Variants in SEMA5A observed in about 807,000 individuals in gnomAD.
SEMA5A encodes semaphorin 5A.
A neutral mutation model predicts 135.5 loss-of-function variants in SEMA5A; 55 were observed. That is an observed-to-expected ratio of 0.41 (90% confidence interval 0.33 to 0.51). The LOEUF is 0.51. Ranked by LOEUF, SEMA5A falls within the 20% of genes least tolerant of loss-of-function variation. SEMA5A has a pLI of 0.37. For synonymous variants in SEMA5A, 580 were observed against 546.5 expected, an observed-to-expected ratio of 1.06 and a Z score of -0.85; for missense variants, 1,290 against 1,419.9, an observed-to-expected ratio of 0.91 and a Z score of 1.47.
intron 5 of SEMA5A, among the ~76,000 whole-genome samples, chr5:9,238,941 A>T (rs1029383821): frequency 2.0e-5 from 3 of 152,172 alleles, no homozygotes; most frequent in Admixed American, 2.0e-4. Context: ...AAAGCAACCT[A>T]GTGTCAAATC....
At chr5:9,117,261 C>T (rs1740566907) in intron 15 of SEMA5A, among the ~76,000 whole-genome samples, 1 of 152,192 alleles carries the variant, frequency 6.6e-6, no homozygotes, top group Non-Finnish European at 1.5e-5. Flanking sequence ...CTCTTCCTTC[C>T]TGTGTGATCA....
At chr5:9,211,464 C>T (rs1419667978) in intron 8 of SEMA5A, among the ~76,000 whole-genome samples, 1 of 152,122 alleles carries the variant, frequency 6.6e-6, no homozygotes, top group Non-Finnish European at 1.5e-5. Flanking sequence ...TCTTGTCAGT[C>T]GAGAGAGCAC....
At chr5:9,108,905 C>CA (rs1740073843) in intron 15 of SEMA5A, among the ~76,000 whole-genome samples, 1 of 151,594 alleles carries the variant, frequency 6.6e-6, no homozygotes, top group African/African-American at 2.4e-5. Context: ...TACAATTTTA[C>CA]AAATATTAGT....
At chr5:9,464,100 C>T (rs368324335) in intron 1 of SEMA5A, among the ~76,000 whole-genome samples, 19 of 152,156 alleles carry the variant, frequency 1.2e-4, no homozygotes, top group African/African-American at 4.6e-4. Context: ...TCTCTACCCA[C>T]AAGACACCAG....
rs372816448 is a variant in SEMA5A at position 9,154,481 on chromosome 5, G to A, written c.1481+7C>T. 6.2e-7 allele frequency: 1 copy of A among 1,611,646 alleles called. No individual in the cohort carries two copies. Among genetic ancestry groups the A allele is most frequent in the African/African-American group, 1.3e-5 (1 of 74,824 alleles). ...ACCAGTGCATCCTGACCCCGGAGAT[G>A]CCCTACCTGCGTGTGCGGTAGAACT... On this transcript the variant is annotated splice_region_variant and intron_variant, in intron 12 of 22. Transcript: ENST00000382496.
chr5:9,252,871 G>T (rs1748873759), intron 5 of SEMA5A, among the ~76,000 whole-genome samples: 1 of 152,168 alleles, frequency 6.6e-6, no homozygotes, highest in Admixed American at 6.5e-5. Context: ...AGATGAAGAT[G>T]AGGGCCTAGT....
At chr5:9,401,219 G>A (rs1756647129) in intron 2 of SEMA5A, among the ~76,000 whole-genome samples, 1 of 152,174 alleles carries the variant, frequency 6.6e-6, no homozygotes, top group Admixed American at 6.5e-5. Context: ...GAGCATGAAG[G>A]TGGATGAGCA....
At chr5:9,043,768 T>C (rs1160326024) in intron 22 of SEMA5A, among the ~76,000 whole-genome samples, 1 of 152,180 alleles carries the variant, frequency 6.6e-6, no homozygotes, top group Non-Finnish European at 1.5e-5. Flanking sequence ...GAGAAACATT[T>C]CTGATTATCT....
At position 9,383,687 on chromosome 5, in the gene SEMA5A, G is replaced by A. The variant is rs114458426; in HGVS notation, c.-77-3664C>T. 3.2e-3 allele frequency among the ~76,000 whole-genome samples: 481 copies of A among 152,274 alleles called. 3 individuals carry two copies. Among genetic ancestry groups the A allele is most frequent in the African/African-American group, 0.011 (466 of 41,546 alleles). On this transcript the variant is annotated intron_variant, in intron 2 of 22. Transcript: ENST00000382496. ...CTTTTCTTACACATAGTTTTTCAAC[G>A]TGCACATCTAAGCCAACATAGATTC...
chr5:9,482,629 A>G (rs550773302), intron 1 of SEMA5A, among the ~76,000 whole-genome samples: 5 of 152,300 alleles, frequency 3.3e-5, no homozygotes, highest in South Asian at 2.1e-4. Context: ...GCCAATTTCC[A>G]TGGTGTAAAC....
intron 6 of SEMA5A, chr5:9,237,584 CAGAA>C: frequency 2.9e-6 from 1 of 345,694 alleles, no homozygotes; most frequent in Non-Finnish European, 5.2e-6. Flanking sequence ...AGTCTAATGA[CAGAA>C]AGGGCAAATT....
intron 4 of SEMA5A, among the ~76,000 whole-genome samples, chr5:9,332,449 C>T (rs1257532756): frequency 6.6e-6 from 1 of 151,176 alleles, no homozygotes; most frequent in East Asian, 2.0e-4. Flanking sequence ...CACATTGGGT[C>T]AGGTGTGTGA....
intron 3 of SEMA5A, among the ~76,000 whole-genome samples, chr5:9,353,400 A>AGC (rs1754300807): frequency 6.6e-6 from 1 of 151,360 alleles, no homozygotes; most frequent in Non-Finnish European, 1.5e-5. Context: ...AAGGAAGGGA[A>AGC]AGAAAGGAAG....
intron 16 of SEMA5A, among the ~76,000 whole-genome samples, chr5:9,097,590 G>A (rs1231413881): frequency 6.6e-6 from 1 of 152,146 alleles, no homozygotes. Flanking sequence ...CCTACAATGG[G>A]TAATGTCTCA....
At chr5:9,388,762 G>A (rs1756013273) in intron 2 of SEMA5A, among the ~76,000 whole-genome samples, 1 of 152,104 alleles carries the variant, frequency 6.6e-6, no homozygotes, top group Non-Finnish European at 1.5e-5. Flanking sequence ...AGCCGGGCAT[G>A]GTAGCGGGCA....
At chr5:9,118,968 G>C in intron 15 of SEMA5A, 30 bp downstream of exon 15, 1 of 1,607,292 alleles carries the variant, frequency 6.2e-7, no homozygotes, top group Non-Finnish European at 8.5e-7. Context: ...GCGTGAGGCT[G>C]GCGGTGCTGG....
At position 9,380,016 on chromosome 5, in the gene SEMA5A, G is replaced by A. The variant is rs1755528743; in HGVS notation, c.-70C>T. 6.6e-7 allele frequency: 1 copy of A among 1,526,136 alleles called. No homozygotes were observed. The highest frequency in any genetic ancestry group is 8.8e-7 in the Non-Finnish European group (1 of 1,134,088). 94.5% of individuals were successfully genotyped at this position (1,526,136 alleles called of 1,614,324 possible). On this transcript the variant is annotated 5_prime_UTR_variant, in exon 3 of 23. Transcript: ENST00000382496. ...GAAGCTCTTCTTCTCCTCATGTGTG[G>A]AAAGTGCCTAAAACACACAAAAGAG...
intron 4 of SEMA5A, among the ~76,000 whole-genome samples, chr5:9,322,050 G>T (rs770688868): frequency 3.3e-5 from 5 of 152,156 alleles, no homozygotes; most frequent in Non-Finnish European, 7.3e-5. Context: ...GGGGAGTGGA[G>T]GAGACACAGA....
At chr5:9,106,403 T>C (rs144341076) in intron 16 of SEMA5A, among the ~76,000 whole-genome samples, 10 of 152,368 alleles carry the variant, frequency 6.6e-5, no homozygotes, top group Admixed American at 5.2e-4. Context: ...TGCTACATTA[T>C]TGCTTAATAT....
Sources: allele counts gnomAD v4.1 joint callset (sites outside exome capture counted in the v4.1 genomes callset), GRCh38; gene constraint gnomAD v4.1.1; transcripts MANE v1.5; gene names NCBI Gene and HGNC (gene_info 2026-07-23, HGNC 2026-07-21).